CNBD1: variants seen among roughly 807,000 people sequenced by gnomAD.
CNBD1 encodes cyclic nucleotide binding domain containing 1.
In CNBD1, 71 loss-of-function variants were observed where a neutral mutation model predicts 54.4. The observed-to-expected ratio is 1.30, with a 90% CI of 1.08 to 1.59. The LOEUF (loss-of-function observed/expected upper bound fraction) is 1.59. Among genes scored for constraint, CNBD1 ranks in the 40% most tolerant of loss-of-function variants. The pLI, the probability that CNBD1 is intolerant of heterozygous loss-of-function variation, is 0.00. For missense variants in CNBD1, 659 were observed against 518.0 expected (o/e 1.27, Z -2.64); for synonymous variants, 182 against 170.7 (o/e 1.07, Z -0.51).
intron 4 of CNBD1, among the ~76,000 whole-genome samples, chr8:87,091,201 T>C (rs965833258): frequency 1.3e-5 from 2 of 151,904 alleles, no homozygotes; most frequent in African/African-American, 4.8e-5. Context: ...CCTATCTGGC[T>C]TGTAGTTACT....
At chr8:87,169,754 C>G (rs1352675188) in intron 4 of CNBD1, among the ~76,000 whole-genome samples, 1 of 151,934 alleles carries the variant, frequency 6.6e-6, no homozygotes, top group African/African-American at 2.4e-5. Context: ...TCTACTGTTA[C>G]ATTGGTCTAT....
chr8:87,273,783 T>G (rs955292472), intron 6 of CNBD1, among the ~76,000 whole-genome samples: 3 of 152,026 alleles, frequency 2.0e-5, no homozygotes, highest in African/African-American at 4.8e-5. Flanking sequence ...TTTTTTTAAA[T>G]TATTATACTT....
intron 4 of CNBD1, among the ~76,000 whole-genome samples, chr8:87,133,663 T>C (rs925408677): frequency 1.1e-4 from 16 of 151,824 alleles, no homozygotes; most frequent in African/African-American, 3.9e-4. Context: ...AATATTTGCC[T>C]TCTTATTGAT....
At chr8:87,281,618 T>A (rs2130867283) in intron 6 of CNBD1, among the ~76,000 whole-genome samples, 1 of 137,744 alleles carries the variant, frequency 7.3e-6, no homozygotes, top group Non-Finnish European at 1.6e-5. Context: ...TTTTTACCAG[T>A]ATATTAAAAC....
chr8:87,315,820 TA>T (rs1177444353), intron 8 of CNBD1, among the ~76,000 whole-genome samples: 1 of 152,046 alleles, frequency 6.6e-6, no homozygotes, highest in Admixed American at 6.6e-5. Flanking sequence ...GTTTATAATT[TA>T]TTGTATATTT....
intron 8 of CNBD1, among the ~76,000 whole-genome samples, chr8:87,331,494 G>T (rs1809830698): frequency 6.6e-6 from 1 of 152,156 alleles, no homozygotes; most frequent in African/African-American, 2.4e-5. Flanking sequence ...CCATGTGTTT[G>T]CTATTGTGAA....
At chr8:87,370,486 C>T (rs567431272) in intron 10 of CNBD1, among the ~76,000 whole-genome samples, 7 of 151,980 alleles carry the variant, frequency 4.6e-5, no homozygotes, top group South Asian at 2.1e-4. Context: ...AGTGATGGTG[C>T]GCATTTTTTC....
chr8:87,208,368 CA>C (rs923925030), intron 5 of CNBD1, among the ~76,000 whole-genome samples: 13 of 151,734 alleles, frequency 8.6e-5, no homozygotes, highest in African/African-American at 2.4e-4. Flanking sequence ...TAAAATGCTA[CA>C]AAAAATGATT....
chr8:87,176,903 C>G (rs574349984), intron 4 of CNBD1, among the ~76,000 whole-genome samples: 37 of 152,172 alleles, frequency 2.4e-4, no homozygotes, highest in South Asian at 6.2e-4. Context: ...AAATAGAATA[C>G]TTTAAAAATA....
chr8:87,153,011 A>G (rs1812638714), intron 4 of CNBD1, among the ~76,000 whole-genome samples: 1 of 152,174 alleles, frequency 6.6e-6, no homozygotes, highest in Admixed American at 6.5e-5. Context: ...AAATTTGTTG[A>G]GAAAGGAGGC....
chr8:87,325,873 T>C (rs1410418439), intron 8 of CNBD1, among the ~76,000 whole-genome samples: 1 of 143,758 alleles, frequency 7.0e-6, no homozygotes, highest in Non-Finnish European at 1.5e-5. Context: ...TTTTGCTCGT[T>C]AGTTGATGCA....
chr8:87,188,023 T>C (rs1295215247), intron 4 of CNBD1, among the ~76,000 whole-genome samples: 1 of 152,190 alleles, frequency 6.6e-6, no homozygotes, highest in Non-Finnish European at 1.5e-5. Context: ...ATTTCCTCAT[T>C]GCTCTCTCTG....
At chr8:86,924,033 T>C (rs1809318560) in intron 3 of CNBD1, among the ~76,000 whole-genome samples, 1 of 152,160 alleles carries the variant, frequency 6.6e-6, no homozygotes, top group African/African-American at 2.4e-5. Context: ...CAAAATGATA[T>C]CGTTCAAAGT....
intron 8 of CNBD1, among the ~76,000 whole-genome samples, chr8:87,299,940 A>G (rs1447202818): frequency 1.3e-5 from 2 of 152,176 alleles, no homozygotes; most frequent in Non-Finnish European, 2.9e-5. Flanking sequence ...CTGAAATCAT[A>G]TACTTGAGCT....
intron 6 of CNBD1, among the ~76,000 whole-genome samples, chr8:87,274,223 A>G (rs1239567816): frequency 6.6e-6 from 1 of 150,894 alleles, no homozygotes; most frequent in Non-Finnish European, 1.5e-5. Flanking sequence ...TGGTGCCGCA[A>G]TAAACATACG....
intron 10 of CNBD1, among the ~76,000 whole-genome samples, chr8:87,374,620 A>G (rs562193113): frequency 2.0e-5 from 3 of 151,882 alleles, no homozygotes; most frequent in South Asian, 4.1e-4. Context: ...CAGCCTCTCT[A>G]GCAGTTAGGT....
At chr8:87,141,388 A>G (rs922242397) in intron 4 of CNBD1, among the ~76,000 whole-genome samples, 3 of 152,118 alleles carry the variant, frequency 2.0e-5, no homozygotes, top group Non-Finnish European at 4.4e-5. Flanking sequence ...ATGTTCTTAC[A>G]CTGTCAATAT....
At chr8:87,135,741 T>C (rs1243217987) in intron 4 of CNBD1, among the ~76,000 whole-genome samples, 2 of 150,384 alleles carry the variant, frequency 1.3e-5, no homozygotes, top group Admixed American at 1.3e-4. Context: ...CCAACATATA[T>C]ATAATATAGT....
At chr8:87,138,358 A>G (rs1191234955) in intron 4 of CNBD1, among the ~76,000 whole-genome samples, 1 of 152,184 alleles carries the variant, frequency 6.6e-6, no homozygotes, top group African/African-American at 2.4e-5. Context: ...CAGATGCCTC[A>G]TTCAGTGGGC....
Sources: gnomAD v4.1 joint callset for allele counts (sites outside exome capture counted in the v4.1 genomes callset) on GRCh38, gnomAD v4.1.1 for gene constraint, MANE v1.5 for transcripts, NCBI Gene and HGNC (gene_info 2026-07-23, HGNC 2026-07-21) for gene names.